DNAH7: variants seen among roughly 807,000 people sequenced by gnomAD.
The protein encoded by DNAH7 is dynein axonemal heavy chain 7, also known as axonemal beta dynein heavy chain 7.
Under a neutral mutation model 444.6 loss-of-function variants are expected in DNAH7, and 397 were observed. The observed-to-expected ratio is 0.89, with a 90% CI of 0.82 to 0.97. The LOEUF (loss-of-function observed/expected upper bound fraction) is 0.97. Among genes scored for constraint, DNAH7 ranks in the 50% least tolerant of loss-of-function variants. DNAH7 has a pLI of 0.00. For missense variants in DNAH7, 4,902 were observed against 4,800.8 expected (o/e 1.02, Z -0.62); for synonymous variants, 1,636 against 1,624.4 (o/e 1.01, Z -0.17).
chr2:195,799,908 T>A (rs1489054473), intron 54 of DNAH7, among the ~76,000 whole-genome samples: 1 of 152,218 alleles, frequency 6.6e-6, no homozygotes, highest in Non-Finnish European at 1.5e-5. Flanking sequence ...GGAAGAGCTC[T>A]ATTCAAGAGA....
intron 19 of DNAH7, among the ~76,000 whole-genome samples, chr2:195,951,829 C>T (rs1156338457): frequency 6.6e-6 from 1 of 152,032 alleles, no homozygotes; most frequent in African/African-American, 2.4e-5. Context: ...TGTGTGCCTG[C>T]ACATGAGATG....
chr2:195,752,145 G>A (rs575642793), intron 63 of DNAH7, among the ~76,000 whole-genome samples: 10 of 152,186 alleles, frequency 6.6e-5, no homozygotes, highest in South Asian at 2.1e-4. Flanking sequence ...GGTGGCGCAC[G>A]CCTCTGGTCT....
intron 12 of DNAH7, among the ~76,000 whole-genome samples, chr2:195,989,975 C>A (rs575547052): frequency 6.6e-6 from 1 of 152,202 alleles, no homozygotes; most frequent in East Asian, 1.9e-4. Flanking sequence ...CTCTTTATAG[C>A]GATACAAGAA....
At chr2:195,975,285 G>A (rs186633744) in intron 15 of DNAH7, among the ~76,000 whole-genome samples, 4 of 151,568 alleles carry the variant, frequency 2.6e-5, no homozygotes, top group Admixed American at 1.3e-4. Flanking sequence ...GAGAATCTCT[G>A]TTCTCAGGGA....
chr2:195,930,581 T>C (rs1688624509), intron 21 of DNAH7, among the ~76,000 whole-genome samples: 1 of 152,214 alleles, frequency 6.6e-6, no homozygotes, highest in Non-Finnish European at 1.5e-5. Context: ...TTGGTGGGAT[T>C]GTAAGTTAGT....
At chr2:195,875,127 G>A (rs1271932446) in intron 38 of DNAH7, among the ~76,000 whole-genome samples, 1 of 152,158 alleles carries the variant, frequency 6.6e-6, no homozygotes, top group East Asian at 1.9e-4. Flanking sequence ...AATTTATCTT[G>A]GAAAATTTAA....
chr2:195,791,847 A>G (rs780959296), intron 57 of DNAH7, among the ~76,000 whole-genome samples: 2 of 152,186 alleles, frequency 1.3e-5, no homozygotes, highest in Non-Finnish European at 2.9e-5. Flanking sequence ...GTGGGAGCTA[A>G]ACATTGGGTA....
At chr2:196,004,346 G>C (rs1694229062) in intron 10 of DNAH7, among the ~76,000 whole-genome samples, 1 of 152,106 alleles carries the variant, frequency 6.6e-6, no homozygotes, top group Admixed American at 6.6e-5. Flanking sequence ...AAGAGGAAGG[G>C]ATACACATGC....
chr2:195,986,966 A>C, intron 14 of DNAH7, 100 bp downstream of exon 14: 1 of 1,086,628 alleles, frequency 9.2e-7, no homozygotes, highest in Non-Finnish European at 1.3e-6. Context: ...CTTTGGAATC[A>C]TTTATGGCAT....
intron 31 of DNAH7, among the ~76,000 whole-genome samples, 196 bp downstream of exon 31, chr2:195,891,459 G>T (rs1490873664): frequency 6.6e-6 from 1 of 151,578 alleles, no homozygotes; most frequent in African/African-American, 2.4e-5. Flanking sequence ...CCAGGGTAAA[G>T]GAGCTTGGTC....
chr2:195,843,800 T>A (rs1446505294), intron 47 of DNAH7, among the ~76,000 whole-genome samples: 1 of 152,196 alleles, frequency 6.6e-6, no homozygotes, highest in Non-Finnish European at 1.5e-5. Flanking sequence ...ATGATTTTCA[T>A]AAATACTATG....
chr2:195,939,781 G>A (rs966284419), intron 19 of DNAH7, among the ~76,000 whole-genome samples: 4 of 151,984 alleles, frequency 2.6e-5, no homozygotes, highest in African/African-American at 9.7e-5. Flanking sequence ...TCAGGGGCCC[G>A]AAACATTGAG....
At chr2:195,811,090 C>T (rs1380304992) in intron 51 of DNAH7, among the ~76,000 whole-genome samples, 1 of 152,132 alleles carries the variant, frequency 6.6e-6, no homozygotes, top group Non-Finnish European at 1.5e-5. Flanking sequence ...ATGTTAATAA[C>T]CTTTTAAGGT....
intron 48 of DNAH7, among the ~76,000 whole-genome samples, chr2:195,827,371 G>C (rs576364885): frequency 6.6e-6 from 1 of 151,606 alleles, no homozygotes; most frequent in African/African-American, 2.4e-5. Flanking sequence ...TCCATCTCCT[G>C]GGCTCAGGCC....
intron 58 of DNAH7, among the ~76,000 whole-genome samples, chr2:195,783,255 C>T (rs1042778141): frequency 6.6e-6 from 1 of 152,162 alleles, no homozygotes; most frequent in Admixed American, 6.5e-5. Flanking sequence ...CGTTTAGACT[C>T]TTATCGTTAT....
chr2:195,804,054 G>A (rs557653359), intron 54 of DNAH7, among the ~76,000 whole-genome samples: 8 of 99,108 alleles, frequency 8.1e-5, no homozygotes, highest in Non-Finnish European at 1.4e-4. Flanking sequence ...GAGGGGAGAG[G>A]GGGGGAAGGA....
At chr2:196,056,360 G>T (rs946644413) in intron 2 of DNAH7, among the ~76,000 whole-genome samples, 1 of 150,932 alleles carries the variant, frequency 6.6e-6, no homozygotes, top group African/African-American at 2.4e-5. Context: ...CAGGAGAATT[G>T]CTTGAGCCCG....
chr2:195,835,252 G>A (rs1698287068), intron 47 of DNAH7, among the ~76,000 whole-genome samples: 1 of 151,864 alleles, frequency 6.6e-6, no homozygotes, highest in African/African-American at 2.4e-5. Flanking sequence ...TCAAAAGTGA[G>A]CAGAGCATGA....
rs192707762 is a variant in DNAH7, at chr2:195,779,267, T to G, written c.10879-1282A>C. Among the ~76,000 whole-genome samples, 321 of 152,336 alleles carry G rather than the reference T, an allele frequency of 2.1e-3. 1 individual carries two copies. The highest frequency in any genetic ancestry group is 7.2e-3 in the African/African-American group (301 of 41,584). ...TTAAACACTTTCATTGCTTCTAATT[T>G]TTTAGTGTGCTGAATCATGTTCATT... On this transcript the variant is annotated intron_variant, in intron 58 of 64. Transcript: ENST00000312428.
Sources: gnomAD v4.1 joint callset for allele counts (sites outside exome capture counted in the v4.1 genomes callset) on GRCh38, gnomAD v4.1.1 for gene constraint, MANE v1.5 for transcripts, NCBI Gene and HGNC (gene_info 2026-07-23, HGNC 2026-07-21) for gene names.